Variants in DMD observed in about 807,000 individuals in gnomAD.
The protein encoded by DMD is dystrophin, also known as mutant dystrophin.
DMD carries 63 observed loss-of-function variants against 330.1 expected under a neutral mutation model. That is an observed-to-expected ratio of 0.19 (90% CI 0.16 to 0.24). DMD has a LOEUF of 0.24. Ranked by LOEUF, DMD falls within the 10% of genes least tolerant of loss-of-function variation. DMD has a pLI of 1.00. For missense variants in DMD, 3,344 were observed against 2,684.1 expected (o/e 1.25, Z -5.43); for synonymous variants, 1,223 against 959.8 (o/e 1.27, Z -5.07).
At chrX:32,252,686 A>AATATATATATAAATATATATAAG (rs2097271093) in intron 43 of DMD, among the ~76,000 whole-genome samples, 1 of 51,759 alleles carries the variant, frequency 1.9e-5, no homozygotes. Flanking sequence ...AAATATATAA[A>AATATATATATAAATATATATAAG]TATATATATA....
chrX:32,123,200 T>C (rs1410598910), intron 44 of DMD, among the ~76,000 whole-genome samples: 4 of 56,262 alleles, frequency 7.1e-5, no homozygotes, highest in Non-Finnish European at 1.3e-4. Context: ...TTTGTGAGCA[T>C]GCATATATAT....
intron 2 of DMD, among the ~76,000 whole-genome samples, chrX:32,925,554 A>G (rs778469760): frequency 6.3e-5 from 7 of 111,414 alleles, no homozygotes; most frequent in Non-Finnish European, 1.1e-4. Flanking sequence ...ACTGTCACCA[A>G]ACTAAAGCAA....
intron 44 of DMD, among the ~76,000 whole-genome samples, chrX:32,083,424 A>AT (rs201842536): frequency 0.023 from 2,514 of 110,613 alleles, 73 homozygotes; most frequent in African/African-American, 0.076. Context: ...CGCCCGGCTG[A>AT]TTTTTTGTAT....
chrX:31,175,792 C>T (rs779014169), intron 71 of DMD, among the ~76,000 whole-genome samples: 6 of 111,177 alleles, frequency 5.4e-5, no homozygotes, highest in East Asian at 2.8e-4. Flanking sequence ...TTTATGAAAA[C>T]TCTATTAATT....
chrX:31,473,720 A>AAAAAAAAAAAAAAAAAAAAG (rs1310270784), intron 59 of DMD, among the ~76,000 whole-genome samples: 1 of 104,381 alleles, frequency 9.6e-6, no homozygotes, highest in African/African-American at 3.6e-5. Flanking sequence ...TCAAAAAAAA[A>AAAAAAAAAAAAAAAAAAAAG]AAAAAAAAGA....
At chrX:32,397,301 C>T (rs187295838) in intron 30 of DMD, among the ~76,000 whole-genome samples, 338 of 111,426 alleles carry the variant, frequency 3.0e-3, no homozygotes, top group Non-Finnish European at 5.2e-3. Flanking sequence ...TACAACTATT[C>T]TTGTGAAATT....
chrX:31,351,157 T>TACACACACACACACACACACAC (rs776501693), intron 60 of DMD, among the ~76,000 whole-genome samples: 14 of 79,887 alleles, frequency 1.8e-4, no homozygotes, highest in African/African-American at 7.2e-4. Context: ...GACATACATA[T>TACACACACACACACACACACAC]ATACACACAC....
intron 30 of DMD, among the ~76,000 whole-genome samples, chrX:32,400,564 A>G (rs1340573089): frequency 9.0e-6 from 1 of 111,184 alleles, no homozygotes; most frequent in Non-Finnish European, 1.9e-5. Context: ...TCTGCAGCCA[A>G]AAAACACATG....
rs182339572 is a variant in DMD at position 31,462,957 on chromosome X, G to A, written c.8937+15149C>T. Reference sequence around the variant, plus strand: ...CTTTATACTGTGATTCTCAACTTACGCTTTCATGTCCATAGGTGAATGTGC... The same window carrying A: ...CTTTATACTGTGATTCTCAACTTACACTTTCATGTCCATAGGTGAATGTGC... On this transcript the variant is annotated intron_variant, in intron 59 of 78. Transcript: ENST00000357033. Among the ~76,000 whole-genome samples the A allele has an allele frequency of 7.8e-3, 879 of 112,200 alleles. 5 individuals carry two copies. Among genetic ancestry groups the A allele is most frequent in the Non-Finnish European group, 0.011 (574 of 53,243 alleles).
chrX:33,193,222 G>A (rs185414965), intron 1 of DMD, among the ~76,000 whole-genome samples: 2 of 111,467 alleles, frequency 1.8e-5, no homozygotes, highest in Admixed American at 9.6e-5. Context: ...CAGGAGAATC[G>A]CTTGAACTCA....
intron 74 of DMD, 114 bp downstream of exon 74, chrX:31,169,329 T>C (rs2039755265): frequency 1.7e-6 from 1 of 577,057 alleles, no homozygotes; most frequent in Non-Finnish European, 2.8e-6. Context: ...AAACAGATTA[T>C]TTTAGAAAAC....
At chrX:32,490,412 T>G (rs1243889419) in intron 20 of DMD, among the ~76,000 whole-genome samples, 1 of 111,417 alleles carries the variant, frequency 9.0e-6, no homozygotes, top group Non-Finnish European at 1.9e-5. Flanking sequence ...CAGGCCCTTT[T>G]GTCCACTTAC....
At chrX:33,280,578 G>A (rs181482022) in intron 1 of DMD, among the ~76,000 whole-genome samples, 1 of 111,412 alleles carries the variant, frequency 9.0e-6, no homozygotes, top group Admixed American at 9.6e-5. Context: ...CAAAACAAAG[G>A]GACACAAGGA....
chrX:31,126,430 G>A (rs2033661738), intron 78 of DMD, among the ~76,000 whole-genome samples: 2 of 111,894 alleles, frequency 1.8e-5, no homozygotes, highest in Non-Finnish European at 1.9e-5. Flanking sequence ...CCCAACCCCA[G>A]TCTTGTCGTC....
chrX:31,512,879 T>C (rs2071774317), intron 55 of DMD, among the ~76,000 whole-genome samples: 1 of 108,723 alleles, frequency 9.2e-6, no homozygotes, highest in Admixed American at 1.0e-4. Flanking sequence ...AAGAAAGGCA[T>C]TGGTAGCTTG....
chrX:31,169,351 A>C, intron 74 of DMD, 92 bp downstream of exon 74: 1 of 652,367 alleles, frequency 1.5e-6, no homozygotes, highest in Non-Finnish European at 2.5e-6. Flanking sequence ...ATTAGACATA[A>C]AATGACTCTA....
chrX:32,394,491 T>C (rs1276403944), intron 30 of DMD, among the ~76,000 whole-genome samples: 3 of 112,169 alleles, frequency 2.7e-5, no homozygotes, highest in African/African-American at 6.5e-5. Flanking sequence ...AGTAGTCAAC[T>C]ACATTGGTTT....
intron 17 of DMD, among the ~76,000 whole-genome samples, chrX:32,537,920 A>ATAG (rs760460700): frequency 4.8e-4 from 54 of 112,374 alleles, no homozygotes; most frequent in Middle Eastern, 4.6e-3. Context: ...ATCCAAAGAT[A>ATAG]TAGTATCTCA....
chrX:31,506,611 C>T (rs2070974330), intron 56 of DMD, among the ~76,000 whole-genome samples: 1 of 112,167 alleles, frequency 8.9e-6, no homozygotes, highest in South Asian at 3.7e-4. Flanking sequence ...TCCCTCTGCC[C>T]TTTTTACAAA....
Sources: allele counts gnomAD v4.1 joint callset (sites outside exome capture counted in the v4.1 genomes callset), GRCh38; gene constraint gnomAD v4.1.1; transcripts MANE v1.5; gene names NCBI Gene and HGNC (gene_info 2026-07-23, HGNC 2026-07-21).